CPPED1: variants seen among roughly 807,000 people sequenced by gnomAD.
CPPED1 encodes the protein serine/threonine-protein phosphatase CPPED1.
In CPPED1, 28 loss-of-function variants were observed where a neutral mutation model predicts 28.0. The ratio of observed to expected loss-of-function variants is 1.00; its 90% CI spans 0.74 to 1.37. The LOEUF (loss-of-function observed/expected upper bound fraction) is 1.37, where lower values mean the gene tolerates loss of function less well. Among genes scored for constraint, CPPED1 ranks in the 40% most tolerant of loss-of-function variants. The probability of loss-of-function intolerance (pLI) is 0.00; values close to 1 mark genes in which losing one functional copy is unlikely to be tolerated. For missense variants in CPPED1, 504 were observed against 416.5 expected, an observed-to-expected ratio of 1.21 and a Z score of -1.83; for synonymous variants, 198 against 180.2, an observed-to-expected ratio of 1.10 and a Z score of -0.79.
At chr16:12,702,037 G>A (rs922323386) in intron 3 of CPPED1, among the ~76,000 whole-genome samples, 2 of 152,154 alleles carry the variant, frequency 1.3e-5, no homozygotes, top group East Asian at 1.9e-4. Flanking sequence ...CCAGGGCTGC[G>A]GTCTTGCTCT....
intron 3 of CPPED1, among the ~76,000 whole-genome samples, chr16:12,695,419 T>C (rs1258094196): frequency 7.1e-6 from 1 of 140,160 alleles, no homozygotes; most frequent in African/African-American, 3.1e-5. Context: ...TGCATACTAT[T>C]ATGCCTGGTT....
intron 1 of CPPED1, among the ~76,000 whole-genome samples, chr16:12,782,026 G>A (rs938060884): frequency 6.6e-6 from 1 of 152,128 alleles, no homozygotes. Context: ...GCAGTAGGAT[G>A]TGGGCATCCG....
Position 12,688,488 on chromosome 16 carries a change from G to A in CPPED1, c.715+16136C>T, listed in dbSNP as rs570520827. Among the ~76,000 whole-genome samples, 352 of 151,950 alleles carry A rather than the reference G, an allele frequency of 2.3e-3. 2 individuals carry two copies. Among genetic ancestry groups the A allele is most frequent in the African/African-American group, 8.1e-3 (335 of 41,454 alleles). The stretch of plus-strand genomic sequence containing the variant: ...CGAGTAGCTGAGATTACAGGCAGCC[G>A]CCACCACACCTGGCTAACTTTTGTA... On this transcript the variant is annotated intron_variant, in intron 3 of 3. Coordinates refer to ENST00000381774, the MANE Select transcript of CPPED1 (RefSeq NM_018340.3).
At chr16:12,700,375 G>A (rs1288997658) in intron 3 of CPPED1, among the ~76,000 whole-genome samples, 1 of 152,238 alleles carries the variant, frequency 6.6e-6, no homozygotes, top group Non-Finnish European at 1.5e-5. Flanking sequence ...GCTTCCCTAA[G>A]ACCAAAGGCC....
intron 2 of CPPED1, among the ~76,000 whole-genome samples, chr16:12,708,554 TCAGAAGGAATGAAAATCTTCCC>T (rs1313306685): frequency 2.0e-5 from 3 of 152,182 alleles, no homozygotes; most frequent in Admixed American, 1.3e-4. Context: ...GTAAATCGTT[TCAGAAGGAATGAAAATCTTCCC>T]CAGGGACAGA....
At chr16:12,779,548 C>G (rs1432950023) in intron 2 of CPPED1, among the ~76,000 whole-genome samples, 1 of 152,008 alleles carries the variant, frequency 6.6e-6, no homozygotes, top group Non-Finnish European at 1.5e-5. Context: ...GCCACCACAC[C>G]CGGCTAATTT....
At chr16:12,691,213 G>A (rs2079961066) in intron 3 of CPPED1, among the ~76,000 whole-genome samples, 1 of 152,234 alleles carries the variant, frequency 6.6e-6, no homozygotes, top group Non-Finnish European at 1.5e-5. Context: ...CAGAGCAAGA[G>A]TCCCTGTGGT....
chr16:12,690,662 C>CAAAAAAAAA (rs748989286), intron 3 of CPPED1, among the ~76,000 whole-genome samples: 1 of 94,678 alleles, frequency 1.1e-5, no homozygotes. Flanking sequence ...TAGTTTCTAC[C>CAAAAAAAAA]AAAAAAAAAA....
At chr16:12,797,203 T>G (rs1226105328) in intron 1 of CPPED1, among the ~76,000 whole-genome samples, 1 of 152,100 alleles carries the variant, frequency 6.6e-6, no homozygotes. Flanking sequence ...ATCCCTTGAG[T>G]TGTAAACTTA....
At position 12,784,282 on chromosome 16, in the gene CPPED1, AAGAGGACACTCCTCTGTTGAGCTTTC is replaced by A. The variant is rs879461008; in HGVS notation, c.71-2905_71-2880del. Among the ~76,000 whole-genome samples the A allele has an allele frequency of 6.8e-3, 1,029 of 152,294 alleles. 20 individuals are homozygous for A. Among genetic ancestry groups the A allele is most frequent in the Admixed American group, 0.035 (537 of 15,294 alleles). ...CCAACAACCATGTGAGTCAGCTTGG[AAGAGGACACTCCTCTGTTGAGCTTTC>A]AGATGACACCACAGCCCCAACAGAT... On this transcript the variant is annotated intron_variant, in intron 1 of 3. Coordinates refer to ENST00000381774, the MANE Select transcript of CPPED1 (RefSeq NM_018340.3).
chr16:12,747,068 A>T (rs2080293839), intron 2 of CPPED1, among the ~76,000 whole-genome samples: 1 of 151,550 alleles, frequency 6.6e-6, no homozygotes. Context: ...ATAAAAAAAA[A>T]ATTAAAAAAA....
Position 12,709,351 on chromosome 16 carries a change from T to C in CPPED1, c.290-4302A>G, listed in dbSNP as rs1420699677. On this transcript the variant is annotated intron_variant, in intron 2 of 3. Transcript: ENST00000381774. This position sits in a 1 kb window ranked among gnomAD's most constrained non-coding sequence, Gnocchi z 4.4. ...GTCTCCAAGGTGGATAAGAGGTATCTGCTGAGAAGTGGGTGCCAAGAGTAC... is the reference window on the plus strand; with the variant it reads ...GTCTCCAAGGTGGATAAGAGGTATCCGCTGAGAAGTGGGTGCCAAGAGTAC... Among the ~76,000 whole-genome samples, 5 of 152,302 alleles carry C rather than the reference T, an allele frequency of 3.3e-5. No individual in the cohort carries two copies. In the East Asian group the frequency reaches 9.7e-4, roughly 29 times the overall value.
chr16:12,766,277 GGAGAGA>G (rs762583415), intron 2 of CPPED1, among the ~76,000 whole-genome samples: 1 of 119,910 alleles, frequency 8.3e-6, no homozygotes, highest in Non-Finnish European at 1.7e-5. Context: ...AGAGAGAGAG[GGAGAGA>G]GAGAGAGAGA....
intron 3 of CPPED1, among the ~76,000 whole-genome samples, chr16:12,701,362 C>G (rs1349564087): frequency 6.6e-6 from 1 of 152,038 alleles, no homozygotes; most frequent in Admixed American, 6.6e-5. Flanking sequence ...GGTGAAACCC[C>G]ATCTCTACTA....
At chr16:12,696,458 T>G (rs1345762565) in intron 3 of CPPED1, among the ~76,000 whole-genome samples, 5 of 138,654 alleles carry the variant, frequency 3.6e-5, no homozygotes, top group South Asian at 2.2e-4. Context: ...TTTTTTTTTT[T>G]GAGATGGAGT....
chr16:12,661,296 G>C lies in CPPED1; in HGVS notation c.*3590C>G, dbSNP rs1191111452. On this transcript the variant is annotated 3_prime_UTR_variant, in exon 4 of 4. Coordinates refer to ENST00000381774, the MANE Select transcript of CPPED1 (RefSeq NM_018340.3). The stretch of plus-strand genomic sequence containing the variant: ...CCTAGTCTAATTCAGATTTAAACTA[G>C]TGCTTGCCTTGTAACTCTGCAAGTG... 2 of 152,138 alleles carry C rather than the reference G, an allele frequency of 1.3e-5. No individual in the cohort carries two copies. Among genetic ancestry groups the C allele is most frequent in the East Asian group, 3.9e-4 (2 of 5,190 alleles). The allele number at this position is 152,138 out of a possible 1,614,324, so 9.4% of individuals were successfully genotyped here.
intron 3 of CPPED1, among the ~76,000 whole-genome samples, chr16:12,677,446 C>G: frequency 6.6e-6 from 1 of 152,230 alleles, no homozygotes. Flanking sequence ...TGAGACCAGC[C>G]TGGCCAACAT....
intron 1 of CPPED1, among the ~76,000 whole-genome samples, chr16:12,791,355 GGCTTCTA>G (rs2080595583): frequency 6.6e-6 from 1 of 152,096 alleles, no homozygotes. Flanking sequence ...TGAGAATGAT[GGCTTCTA>G]GCTTCATCTG....
intron 2 of CPPED1, among the ~76,000 whole-genome samples, chr16:12,755,255 C>T (rs573019367): frequency 6.6e-6 from 1 of 150,608 alleles, no homozygotes; most frequent in South Asian, 2.1e-4. Flanking sequence ...TCAGGGTAAC[C>T]TTCTCACAAG....
Sources: allele counts gnomAD v4.1 joint callset (sites outside exome capture counted in the v4.1 genomes callset), GRCh38; gene constraint gnomAD v4.1.1; non-coding constraint Gnocchi (gnomAD v3.1); transcripts MANE v1.5; gene names NCBI Gene and HGNC (gene_info 2026-07-23, HGNC 2026-07-21).